Variants in FAM53B observed in about 807,000 individuals in gnomAD.
The protein encoded by FAM53B is family with sequence similarity 53 member B, also known as protein FAM53B.
A neutral mutation model predicts 32.7 loss-of-function variants in FAM53B; 12 were observed. The ratio of observed to expected loss-of-function variants is 0.37; its 90% CI spans 0.24 to 0.59. The LOEUF (loss-of-function observed/expected upper bound fraction) is 0.59, where lower values mean the gene tolerates loss of function less well. Ranked by LOEUF, FAM53B falls within the 20% of genes least tolerant of loss-of-function variation. The probability of loss-of-function intolerance (pLI) is 0.72; values close to 1 mark genes in which losing one functional copy is unlikely to be tolerated. For missense variants in FAM53B, 477 were observed against 577.7 expected (o/e 0.83, Z 1.79); for synonymous variants, 234 against 228.7 (o/e 1.02, Z -0.21).
intron 2 of FAM53B, among the ~76,000 whole-genome samples, chr10:124,700,469 A>G (rs1208905452): frequency 6.6e-6 from 1 of 152,180 alleles, no homozygotes; most frequent in Non-Finnish European, 1.5e-5. Context: ...CTGCAGTGAA[A>G]TAAGACCAGA....
At chr10:124,655,062 G>C (rs1589739414) in intron 4 of FAM53B, among the ~76,000 whole-genome samples, 1 of 152,172 alleles carries the variant, frequency 6.6e-6, no homozygotes, top group South Asian at 2.1e-4. Context: ...CGTTTTAGAT[G>C]ATGGCAACAC....
At chr10:124,660,945 G>A (rs1364156015) in intron 4 of FAM53B, among the ~76,000 whole-genome samples, 1 of 151,488 alleles carries the variant, frequency 6.6e-6, no homozygotes, top group Non-Finnish European at 1.5e-5. Context: ...ACTACATATT[G>A]GGTACAATGT....
intron 1 of FAM53B, among the ~76,000 whole-genome samples, chr10:124,743,694 C>T (rs1950213736): frequency 6.6e-6 from 1 of 151,790 alleles, no homozygotes; most frequent in African/African-American, 2.4e-5. Context: ...CCGCGCCCGC[C>T]CGCCCTGGCC....
At position 124,651,678 on chromosome 10, in the gene FAM53B, A is replaced by T. The variant is rs1949557386; in HGVS notation, c.907-28074T>A. 6.6e-6 allele frequency among the ~76,000 whole-genome samples: 1 copy of T among 151,878 alleles called. No homozygotes were observed. The highest frequency in any genetic ancestry group is 2.1e-4 in the South Asian group (1 of 4,812). On this transcript the variant is annotated intron_variant, in intron 4 of 4. Coordinates refer to ENST00000337318, the MANE Select transcript of FAM53B (RefSeq NM_014661.4). The surrounding 1 kb of genome is among the most constrained non-coding windows in gnomAD (Gnocchi z 5.2). ...GGAGCACTGTGGAGACTGTCAGCTGACTTCCGACCCTGGGGCCTGCCTGCT... is the reference window on the plus strand; with the variant it reads ...GGAGCACTGTGGAGACTGTCAGCTGTCTTCCGACCCTGGGGCCTGCCTGCT...
At chr10:124,680,251 G>A (rs974524384) in intron 4 of FAM53B, among the ~76,000 whole-genome samples, 1 of 152,152 alleles carries the variant, frequency 6.6e-6, no homozygotes, top group African/African-American at 2.4e-5. Context: ...CACCCCTTCA[G>A]GCTCTCCCCC....
At chr10:124,659,250 G>T (rs1949614036) in intron 4 of FAM53B, among the ~76,000 whole-genome samples, 1 of 152,254 alleles carries the variant, frequency 6.6e-6, no homozygotes, top group South Asian at 2.1e-4. Context: ...GCCATGATAG[G>T]CCTAAAGTCT....
intron 4 of FAM53B, among the ~76,000 whole-genome samples, chr10:124,627,906 C>G (rs1047837633): frequency 7.4e-6 from 1 of 134,258 alleles, no homozygotes; most frequent in Non-Finnish European, 1.8e-5. Context: ...CCTGAGTCCA[C>G]GGGGATACAG....
intron 4 of FAM53B, among the ~76,000 whole-genome samples, chr10:124,641,524 C>T (rs918925922): frequency 6.6e-6 from 1 of 152,222 alleles, no homozygotes; most frequent in African/African-American, 2.4e-5. Context: ...CAAGTGGCTA[C>T]CACAAAAAGG....
chr10:124,714,867 G>A (rs1950030075), intron 1 of FAM53B, among the ~76,000 whole-genome samples: 1 of 151,948 alleles, frequency 6.6e-6, no homozygotes, highest in Non-Finnish European at 1.5e-5. Context: ...GAAAATATTA[G>A]CCAAAGCAAC....
intron 4 of FAM53B, among the ~76,000 whole-genome samples, chr10:124,632,686 A>G (rs1035234846): frequency 6.6e-6 from 1 of 152,216 alleles, no homozygotes; most frequent in Non-Finnish European, 1.5e-5. Context: ...TCTTCCATGG[A>G]GGGCACACTC....
chr10:124,626,119 C>T (rs1022752411), intron 4 of FAM53B, among the ~76,000 whole-genome samples: 1 of 152,256 alleles, frequency 6.6e-6, no homozygotes, highest in African/African-American at 2.4e-5. Flanking sequence ...CGCGTGCCAG[C>T]GTTTTCTGCG....
chr10:124,725,694 G>A (rs537580294), intron 1 of FAM53B, among the ~76,000 whole-genome samples: 1 of 152,318 alleles, frequency 6.6e-6, no homozygotes, highest in African/African-American at 2.4e-5. Context: ...AAACCGAGAT[G>A]GACAGTGGAT....
chr10:124,701,972 C>T (rs1949917198), intron 2 of FAM53B, among the ~76,000 whole-genome samples: 1 of 152,154 alleles, frequency 6.6e-6, no homozygotes, highest in Non-Finnish European at 1.5e-5. Flanking sequence ...GGAGGGAGAC[C>T]GAGTCCTCAC....
At chr10:124,632,393 G>A (rs1397530318) in intron 4 of FAM53B, among the ~76,000 whole-genome samples, 1 of 152,266 alleles carries the variant, frequency 6.6e-6, no homozygotes, top group Admixed American at 6.5e-5. Flanking sequence ...CAAAAGTCAA[G>A]GGACCTTTCC....
chr10:124,712,273 T>C (rs1177495317), intron 1 of FAM53B, among the ~76,000 whole-genome samples: 2 of 152,076 alleles, frequency 1.3e-5, no homozygotes, highest in Non-Finnish European at 2.9e-5. Flanking sequence ...CAGGAAACAC[T>C]TGAACCTGGG....
intron 3 of FAM53B, among the ~76,000 whole-genome samples, chr10:124,685,804 T>G (rs1014264960): frequency 8.5e-5 from 13 of 152,176 alleles, no homozygotes; most frequent in African/African-American, 3.1e-4. Flanking sequence ...GCCTGCGATC[T>G]TGGTGCTTCT....
In FAM53B at chr10:124,721,923, T is replaced by C. The variant is rs565282833; in HGVS notation, c.-174-15036A>G. 1.8e-4 allele frequency among the ~76,000 whole-genome samples: 27 copies of C among 152,220 alleles called. 1 individual carries two copies. The East Asian group carries it at 4.8e-3, about 27-fold the overall frequency. On this transcript the variant is annotated intron_variant, in intron 1 of 4. Transcript: ENST00000337318. ...AGGATAAATACACACTGCAACACCA[T>C]GCAAAGGACGAAACGCAGCTTTCTA...
At chr10:124,709,796 C>T (rs549017575) in intron 1 of FAM53B, among the ~76,000 whole-genome samples, 1 of 150,056 alleles carries the variant, frequency 6.7e-6, no homozygotes, top group Non-Finnish European at 1.5e-5. Flanking sequence ...GCAAGAAGAG[C>T]GAGTCCACTA....
rs932214278 is a variant in FAM53B at position 124,681,681 on chromosome 10, C to T, written c.832G>A (p.Val278Ile). Residue 278 changes from valine to isoleucine, a missense_variant, in exon 4 of 5, where the codon GTC becomes ATC. Physicochemically the swap from Val to Ile is conservative, Grantham distance 29. Around this residue, in one of 2 missense-constraint regions of FAM53B, gnomAD observed 312 missense variants for 420.2 expected, o/e 0.74. Coordinates refer to ENST00000337318, the MANE Select transcript of FAM53B (RefSeq NM_014661.4). ...TCAGGGCGCCGCCTTTTAACACCGA[C>T]CTTCTTGTCGTTAAGGACACACGGC... ...SQPCVLNDKK[V>I]GVKRRRPEEV... 1.2e-6 allele frequency: 2 copies of T among 1,612,682 alleles called. No individual in the cohort carries two copies. Among genetic ancestry groups the T allele is most frequent in the Admixed American group, 1.7e-5 (1 of 59,856 alleles).
Sources: gnomAD v4.1 joint callset for allele counts (sites outside exome capture counted in the v4.1 genomes callset) on GRCh38, gnomAD v4.1.1 for gene constraint, gnomAD v4.1.1 regional missense constraint, Gnocchi (gnomAD v3.1) non-coding constraint, MANE v1.5 for transcripts, NCBI Gene and HGNC (gene_info 2026-07-23, HGNC 2026-07-21) for gene names.